DST: variants seen among roughly 807,000 people sequenced by gnomAD.
DST encodes dystonin.
DST carries 253 observed loss-of-function variants against 875.2 expected under a neutral mutation model. The ratio of observed to expected loss-of-function variants is 0.29; its 90% CI spans 0.26 to 0.32. The LOEUF is 0.32. Among genes scored for constraint, DST ranks in the 10% least tolerant of loss-of-function variants. The pLI is 1.00. For missense variants in DST, 8,287 were observed against 9,111.6 expected, an observed-to-expected ratio of 0.91 and a Z score of 3.68; for synonymous variants, 3,124 against 3,197.1, an observed-to-expected ratio of 0.98 and a Z score of 0.77.
In DST at chr6:56,614,386, C is replaced by T. The variant is rs767341047; in HGVS notation, c.5028G>A (p.Lys1676=). The T allele has an allele frequency of 4.4e-6, 7 of 1,607,674 alleles. No individual in the cohort carries two copies. Among genetic ancestry groups the T allele is most frequent in the South Asian group, 3.3e-5 (3 of 89,664 alleles). ...NISKTLKDAE[K]AGKPPFSKQK... ...GCTTAGAGAAGGGAGGTTTTCCAGC[C>T]TTCTCTGCATCTTTCAATGTCTTGC... The change falls in exon 37 of 104, where the codon AAG becomes AAA. Residue 1676 remains lysine (K), a synonymous_variant. Coordinates refer to ENST00000680361, the MANE Select transcript of DST (RefSeq NM_001374736.1).
intron 2 of DST, among the ~76,000 whole-genome samples, chr6:56,915,979 T>C (rs1353611093): frequency 6.6e-6 from 1 of 152,184 alleles, no homozygotes; most frequent in African/African-American, 2.4e-5. Context: ...GCCAACCCTA[T>C]CATGACTGAG....
chr6:56,658,848 C>T (rs2099023973), intron 10 of DST, among the ~76,000 whole-genome samples: 1 of 152,086 alleles, frequency 6.6e-6, no homozygotes, highest in Non-Finnish European at 1.5e-5. Flanking sequence ...GAAGAGCACT[C>T]AGGTGATGAA....
chr6:56,464,163 G>A (rs900760288), intron 100 of DST: 7 of 358,538 alleles, frequency 2.0e-5, no homozygotes, highest in African/African-American at 1.5e-4. Flanking sequence ...CAGGGACTGT[G>A]TCTTTTGCAT....
chr6:56,719,533 A>G (rs1470298828), intron 5 of DST, among the ~76,000 whole-genome samples: 1 of 152,252 alleles, frequency 6.6e-6, no homozygotes, highest in East Asian at 1.9e-4. Context: ...ACCTTGACAC[A>G]CACGTAACTG....
At chr6:56,876,517 T>A (rs1779693130) in intron 3 of DST, among the ~76,000 whole-genome samples, 1 of 152,176 alleles carries the variant, frequency 6.6e-6, no homozygotes, top group African/African-American at 2.4e-5. Flanking sequence ...AGATTTCCTG[T>A]TCTTCTTCAT....
chr6:56,849,926 C>T (rs1764201081), intron 4 of DST, among the ~76,000 whole-genome samples: 2 of 152,234 alleles, frequency 1.3e-5, no homozygotes, highest in African/African-American at 4.8e-5. Flanking sequence ...TCACACCCTC[C>T]TTTCATCTAT....
Position 56,532,648 on chromosome 6 carries a change from G to T in DST, c.16942-138C>A, listed in dbSNP as rs952047866. The stretch of plus-strand genomic sequence containing the variant: ...ACATATGAAAGGATCTGAAAAGCGA[G>T]ATTTTAAAGGTAACTCATTTGTTTA... On this transcript the variant is annotated intron_variant, in intron 63 of 103. Transcript: ENST00000680361. 2.1e-5 allele frequency: 17 copies of T among 795,436 alleles called. No homozygotes were observed. In the African/African-American group the frequency reaches 2.3e-4, roughly 11 times the overall value. 49.3% of individuals were successfully genotyped at this position (795,436 alleles called of 1,614,324 possible). A position where few individuals can be genotyped will look rare whatever the true frequency, so the allele number is the denominator to read the frequency against.
intron 2 of DST, among the ~76,000 whole-genome samples, chr6:56,949,782 T>G (rs774695052): frequency 6.6e-6 from 1 of 152,214 alleles, no homozygotes; most frequent in Non-Finnish European, 1.5e-5. Context: ...TTCTCAATAA[T>G]AAACTATCAC....
intron 4 of DST, among the ~76,000 whole-genome samples, chr6:56,788,128 CAAAAAAAAAAAAA>C (rs781369739): frequency 1.1e-4 from 3 of 26,586 alleles, no homozygotes; most frequent in African/African-American, 3.9e-4. Context: ...GACTCCGTCT[CAAAAAAAAAAAAA>C]AAAAAAAAAA....
At chr6:56,595,842 T>C (rs138367360) in intron 47 of DST, among the ~76,000 whole-genome samples, 3,778 of 147,174 alleles carry the variant, frequency 0.026, 75 homozygotes, top group Non-Finnish European at 0.042. Flanking sequence ...TGCAACACCA[T>C]ATAAATGATC....
At chr6:56,493,662 T>C (rs2095823003) in intron 83 of DST, among the ~76,000 whole-genome samples, 1 of 152,050 alleles carries the variant, frequency 6.6e-6, no homozygotes, top group South Asian at 2.1e-4. Context: ...GCTTTCCCTC[T>C]CTCCCTCACC....
chr6:56,541,525 TG>T, intron 61 of DST: 1 of 153,482 alleles, frequency 6.5e-6, no homozygotes, highest in Admixed American at 6.5e-5. Context: ...TCCCTACACA[TG>T]GGGGATTCTG....
At chr6:56,675,061 C>A (rs2099121879) in intron 9 of DST, among the ~76,000 whole-genome samples, 1 of 152,162 alleles carries the variant, frequency 6.6e-6, no homozygotes, top group Non-Finnish European at 1.5e-5. Context: ...GACACGAAAA[C>A]AGACAGACCA....
rs544755654 is a variant in DST, at chr6:56,880,906, G to C, written c.417+19515C>G. On this transcript the variant is annotated intron_variant, in intron 3 of 103. Coordinates refer to ENST00000680361, the MANE Select transcript of DST (RefSeq NM_001374736.1). ...CTCTGTTGCCAGGCTAGAGTGCAGC[G>C]GCACAATCTCGGCTCACTGAAAGCT... is the stretch of plus-strand genomic sequence containing the variant. Among the ~76,000 whole-genome samples, 505 of 141,930 alleles carry C rather than the reference G, an allele frequency of 3.6e-3. 3 individuals carry two copies. The highest frequency in any genetic ancestry group is 0.016 in the South Asian group (71 of 4,434). 93.1% of individuals were successfully genotyped at this position (141,930 alleles called of 152,430 possible).
Position 56,600,139 on chromosome 6 carries a change from A to AGAAGG in DST, c.11623_11624insCCTTC (p.Ile3875ThrfsTer10). The AGAAGG allele has an allele frequency of 1.2e-6, 2 of 1,613,116 alleles. No individual in the cohort carries two copies. Among genetic ancestry groups the AGAAGG allele is most frequent in the Non-Finnish European group, 1.7e-6 (2 of 1,179,268 alleles). On this transcript the variant is annotated frameshift_variant, in exon 45 of 104. Transcript: ENST00000680361. LOFTEE classifies it high-confidence loss of function. The stretch of plus-strand genomic sequence containing the variant: ...AATCATGAAGGCTTCTTGGTGACCA[A>AGAAGG]TTAGGCGGTTTTCAGTTTGGGTAAG...
chr6:56,645,417 G>A (rs1038918127), intron 15 of DST, among the ~76,000 whole-genome samples: 1 of 152,190 alleles, frequency 6.6e-6, no homozygotes, highest in Non-Finnish European at 1.5e-5. Flanking sequence ...AACATTTACT[G>A]AGTGTGTTCT....
chr6:56,733,778 AG>A (rs2099511949), intron 5 of DST, among the ~76,000 whole-genome samples: 2 of 152,188 alleles, frequency 1.3e-5, no homozygotes, highest in Admixed American at 1.3e-4. Flanking sequence ...AATCCAGTAA[AG>A]AAAGGCCTGT....
chr6:56,917,395 T>C (rs1801756646), intron 2 of DST, among the ~76,000 whole-genome samples: 1 of 152,216 alleles, frequency 6.6e-6, no homozygotes, highest in African/African-American at 2.4e-5. Context: ...GAGAAATGCT[T>C]GTGGCTAGTC....
chr6:56,662,965 G>GAACAA (rs1194344648), intron 10 of DST, among the ~76,000 whole-genome samples: 3 of 151,722 alleles, frequency 2.0e-5, no homozygotes, highest in Non-Finnish European at 4.4e-5. Flanking sequence ...AAACAAAACA[G>GAACAA]AACAAAACAA....
Sources: allele counts gnomAD v4.1 joint callset (sites outside exome capture counted in the v4.1 genomes callset), GRCh38; gene constraint gnomAD v4.1.1; transcripts MANE v1.5; gene names NCBI Gene and HGNC (gene_info 2026-07-23, HGNC 2026-07-21).